The following CCDC171 variants were observed in gnomAD, a reference collection of about 807,000 sequenced individuals.
The protein encoded by CCDC171 is coiled-coil domain-containing protein 171.
CCDC171 carries 177 observed loss-of-function variants against 168.2 expected under a neutral mutation model. The observed-to-expected ratio is 1.05, with a 90% CI of 0.93 to 1.19. The LOEUF is 1.19. Ranked by LOEUF, CCDC171 falls within the 50% of genes most tolerant of loss-of-function variation. The pLI, the probability that CCDC171 is intolerant of heterozygous loss-of-function variation, is 0.00. For missense variants in CCDC171, 1,991 were observed against 1,539.0 expected (o/e 1.29, Z -4.91); for synonymous variants, 687 against 540.8 (o/e 1.27, Z -3.75).
intron 11 of CCDC171, among the ~76,000 whole-genome samples, chr9:15,718,773 CT>C (rs1301661053): frequency 6.6e-6 from 1 of 152,204 alleles, no homozygotes; most frequent in Non-Finnish European, 1.5e-5. Context: ...GGGGTGCCCC[CT>C]AATGCAGATA....
At chr9:15,881,942 C>T (rs930025108) in intron 24 of CCDC171, among the ~76,000 whole-genome samples, 3 of 152,090 alleles carry the variant, frequency 2.0e-5, no homozygotes, top group African/African-American at 4.8e-5. Context: ...GTATTTCTTT[C>T]TTTTGTACAC....
chr9:16,048,288 G>T (rs939941243), intron 1 of CCDC171, among the ~76,000 whole-genome samples: 1 of 150,582 alleles, frequency 6.6e-6, no homozygotes, highest in Non-Finnish European at 1.5e-5. Flanking sequence ...TGTACAGATG[G>T]CACTCTGCAT....
intron 21 of CCDC171, among the ~76,000 whole-genome samples, chr9:15,844,998 T>G (rs2060834953): frequency 6.6e-6 from 1 of 152,106 alleles, no homozygotes. Context: ...CTGGCACAAA[T>G]GTATTGTTTT....
chr9:15,745,110 A>G (rs1301991308), intron 17 of CCDC171, among the ~76,000 whole-genome samples: 2 of 152,220 alleles, frequency 1.3e-5, no homozygotes, highest in Non-Finnish European at 2.9e-5. Context: ...CCCTGTTTCA[A>G]ATTACCAGTA....
intron 20 of CCDC171, among the ~76,000 whole-genome samples, chr9:15,779,818 C>A (rs913404860): frequency 3.1e-4 from 47 of 152,110 alleles, no homozygotes; most frequent in Admixed American, 3.0e-3. Context: ...CAGTCGTATG[C>A]CAAATACCAT....
At chr9:16,093,110 C>T in the CCDC171 span, among the ~76,000 whole-genome samples, 1 of 152,360 alleles carries the variant, frequency 6.6e-6, no homozygotes, top group East Asian at 1.9e-4. Context: ...AGACACAACA[C>T]ACCCAGGCCA....
At chr9:15,609,181 C>T (rs1433365714) in intron 6 of CCDC171, among the ~76,000 whole-genome samples, 3 of 151,468 alleles carry the variant, frequency 2.0e-5, no homozygotes, top group Non-Finnish European at 4.4e-5. Context: ...CTCACTGCAA[C>T]CTCCGCCTCC....
downstream of CCDC171, among the ~76,000 whole-genome samples, chr9:16,063,065 C>T (rs1055179167): frequency 2.6e-5 from 4 of 152,214 alleles, no homozygotes; most frequent in Non-Finnish European, 4.4e-5. Flanking sequence ...ACAGAGTTGG[C>T]GCTCGGTGAC....
Position 15,972,860 on chromosome 9 carries a change from G to T in CCDC171, c.*1024G>T, listed in dbSNP as rs1831479220. 1.3e-5 allele frequency: 2 copies of T among 152,154 alleles called. No individual in the cohort carries two copies. The highest frequency in any genetic ancestry group is 4.8e-5 in the African/African-American group (2 of 41,442). 9.4% of individuals were successfully genotyped at this position (152,154 alleles called of 1,614,324 possible). A position where few individuals can be genotyped will look rare whatever the true frequency, so the allele number is the denominator to read the frequency against. ...AGATGCCCCAGTGACATTTCAGCTAGAAAGAGCAAGTGTCTTGCAACCAAG... is the reference window on the plus strand; with the variant it reads ...AGATGCCCCAGTGACATTTCAGCTATAAAGAGCAAGTGTCTTGCAACCAAG... On this transcript the variant is annotated 3_prime_UTR_variant, in exon 26 of 26. Transcript: ENST00000380701.
Position 15,623,306 on chromosome 9 carries a change from G to C in CCDC171, c.715G>C (p.Glu239Gln). The C allele has an allele frequency of 6.2e-7, 1 of 1,600,176 alleles. No individual in the cohort carries two copies. The highest frequency in any genetic ancestry group is 8.5e-7 in the Non-Finnish European group (1 of 1,172,268). ...TAVQNMHKKV[E>Q]KLETEHMDCS... Reference sequence around the variant, plus strand: ...TGTGCAAAATATGCATAAGAAAGTAGAAAAATTAGAAACAGAACATATGGA... The same window carrying C: ...TGTGCAAAATATGCATAAGAAAGTACAAAAATTAGAAACAGAACATATGGA... The change falls in exon 7 of 26, where the codon GAA becomes CAA. Residue 239 changes from glutamate (E) to glutamine (Q), a missense_variant. Transcript: ENST00000380701.
chr9:15,953,301 T>G (rs1177909698), intron 25 of CCDC171, among the ~76,000 whole-genome samples: 5 of 152,212 alleles, frequency 3.3e-5, no homozygotes, highest in Non-Finnish European at 7.4e-5. Context: ...GAGTAAGATA[T>G]ATGCTCCGGG....
chr9:16,092,585 C>T, the CCDC171 span, among the ~76,000 whole-genome samples: 1 of 152,100 alleles, frequency 6.6e-6, no homozygotes, highest in Non-Finnish European at 1.5e-5. Context: ...TTACAACTAG[C>T]TTTCTGCAGA....
At chr9:15,859,195 A>G (rs2061456621) in intron 23 of CCDC171, among the ~76,000 whole-genome samples, 1 of 151,984 alleles carries the variant, frequency 6.6e-6, no homozygotes, top group South Asian at 2.1e-4. Context: ...ATCATAATTG[A>G]TTTTTGTATC....
chr9:15,949,726 A>G (rs1200779513), intron 25 of CCDC171, among the ~76,000 whole-genome samples: 1 of 152,142 alleles, frequency 6.6e-6, no homozygotes, highest in Non-Finnish European at 1.5e-5. Context: ...GGGGTTTTCT[A>G]GATATACAAT....
chr9:15,990,752 C>G (rs1431117678), intron 3 of CCDC171, among the ~76,000 whole-genome samples: 1 of 151,662 alleles, frequency 6.6e-6, no homozygotes, highest in Non-Finnish European at 1.5e-5. Flanking sequence ...AAATGGAAAA[C>G]AAAAAAAGGC....
chr9:15,912,155 A>G (rs1444618801), intron 24 of CCDC171, among the ~76,000 whole-genome samples: 3 of 152,136 alleles, frequency 2.0e-5, no homozygotes, highest in East Asian at 1.9e-4. Flanking sequence ...AGCCATTTTC[A>G]TGGTATTGAT....
intron 7 of CCDC171, 85 bp downstream of exon 7, chr9:15,623,498 CACACACACAT>C: frequency 1.5e-6 from 1 of 669,292 alleles, no homozygotes; most frequent in South Asian, 3.3e-5. Context: ...CACACACACA[CACACACACAT>C]AAAACCCATT....
At chr9:15,642,797 C>A (rs1308427637) in intron 7 of CCDC171, among the ~76,000 whole-genome samples, 1 of 151,918 alleles carries the variant, frequency 6.6e-6, no homozygotes, top group Non-Finnish European at 1.5e-5. Context: ...TATTTCAACC[C>A]CCTGTGTTTT....
chr9:15,922,938 G>A (rs1825512865), intron 25 of CCDC171, among the ~76,000 whole-genome samples: 2 of 151,224 alleles, frequency 1.3e-5, no homozygotes, highest in Non-Finnish European at 3.0e-5. Flanking sequence ...ATTGTTAGAG[G>A]TCCTTACTTA....
Sources: allele counts gnomAD v4.1 joint callset (sites outside exome capture counted in the v4.1 genomes callset), GRCh38; gene constraint gnomAD v4.1.1; transcripts MANE v1.5; gene names NCBI Gene and HGNC (gene_info 2026-07-23, HGNC 2026-07-21).